Variants in PDGFC observed in about 807,000 individuals in gnomAD.
PDGFC encodes the protein platelet-derived growth factor C.
Under a neutral mutation model 35.5 loss-of-function variants are expected in PDGFC, and 12 were observed. The observed-to-expected ratio is 0.34, with a 90% confidence interval of 0.22 to 0.55. The LOEUF is 0.55. PDGFC is among the 20% of genes least tolerant of loss of function. The pLI, the probability that PDGFC is intolerant of heterozygous loss-of-function variation, is 0.91. For synonymous variants in PDGFC, 159 were observed against 148.8 expected (o/e 1.07, Z -0.50); for missense variants, 322 against 412.4 (o/e 0.78, Z 1.90).
chr4:156,956,540 G>T (rs1009718306), intron 1 of PDGFC, among the ~76,000 whole-genome samples: 1 of 151,964 alleles, frequency 6.6e-6, no homozygotes, highest in Non-Finnish European at 1.5e-5. Context: ...GCAAATGATC[G>T]ATTGTGGGTG....
chr4:156,912,641 G>A (rs1022322204), intron 1 of PDGFC, among the ~76,000 whole-genome samples: 1 of 152,038 alleles, frequency 6.6e-6, no homozygotes, highest in East Asian at 1.9e-4. Flanking sequence ...AATTAAGCGG[G>A]TTTCCTATGT....
intron 1 of PDGFC, among the ~76,000 whole-genome samples, chr4:156,882,439 A>G (rs1730266145): frequency 6.6e-6 from 1 of 152,208 alleles, no homozygotes; most frequent in Non-Finnish European, 1.5e-5. Flanking sequence ...TATTTAGGTA[A>G]TTATTCTTAA....
At chr4:156,845,520 T>C (rs1729305914) in intron 2 of PDGFC, among the ~76,000 whole-genome samples, 1 of 151,810 alleles carries the variant, frequency 6.6e-6, no homozygotes, top group Non-Finnish European at 1.5e-5. Flanking sequence ...CAGCACCTTT[T>C]ATTGCCTTTG....
At chr4:156,799,305 C>T (rs918680858) in intron 3 of PDGFC, among the ~76,000 whole-genome samples, 6 of 152,118 alleles carry the variant, frequency 3.9e-5, no homozygotes, top group African/African-American at 1.2e-4. Flanking sequence ...AGGACCTTTG[C>T]CCTGGGGCCA....
At chr4:156,843,438 C>T (rs1352519684) in intron 2 of PDGFC, among the ~76,000 whole-genome samples, 1 of 152,184 alleles carries the variant, frequency 6.6e-6, no homozygotes. Flanking sequence ...CACAGATGGG[C>T]TCCTAAAGCA....
chr4:156,851,503 C>G (rs900380022), intron 1 of PDGFC, among the ~76,000 whole-genome samples: 1 of 152,068 alleles, frequency 6.6e-6, no homozygotes, highest in African/African-American at 2.4e-5. Flanking sequence ...CAAGTTGGCA[C>G]TGCTGAGAAA....
At chr4:156,808,646 G>T (rs547517856) in intron 3 of PDGFC, among the ~76,000 whole-genome samples, 1 of 151,924 alleles carries the variant, frequency 6.6e-6, no homozygotes, top group Non-Finnish European at 1.5e-5. Context: ...AGCAAAGTGT[G>T]GGGGGTGGAG....
chr4:156,798,955 G>A (rs1242264740), intron 3 of PDGFC, among the ~76,000 whole-genome samples: 2 of 152,134 alleles, frequency 1.3e-5, no homozygotes, highest in Non-Finnish European at 2.9e-5. Context: ...GAAGCTGCCT[G>A]GGCTGATTTG....
intron 1 of PDGFC, among the ~76,000 whole-genome samples, chr4:156,951,355 T>C (rs977602558): frequency 5.9e-5 from 9 of 151,866 alleles, no homozygotes; most frequent in Non-Finnish European, 1.3e-4. Context: ...TACATGTTCC[T>C]GTATTTATAT....
At chr4:156,848,025 A>G (rs2111075480) in intron 2 of PDGFC, among the ~76,000 whole-genome samples, 1 of 151,942 alleles carries the variant, frequency 6.6e-6, no homozygotes, top group African/African-American at 2.4e-5. Context: ...AAAACCTCAT[A>G]CCACCAACAT....
intron 2 of PDGFC, among the ~76,000 whole-genome samples, chr4:156,849,165 G>C (rs751784949): frequency 6.6e-6 from 1 of 152,010 alleles, no homozygotes; most frequent in Non-Finnish European, 1.5e-5. Context: ...AAATCTGAAC[G>C]AGATCTAGGG....
At chr4:156,854,532 A>G (rs1729528082) in intron 1 of PDGFC, among the ~76,000 whole-genome samples, 1 of 152,178 alleles carries the variant, frequency 6.6e-6, no homozygotes, top group African/African-American at 2.4e-5. Flanking sequence ...CTTGAAATGC[A>G]AGGAGGTTTG....
At chr4:156,882,757 C>G (rs931882379) in intron 1 of PDGFC, among the ~76,000 whole-genome samples, 2 of 152,234 alleles carry the variant, frequency 1.3e-5, no homozygotes, top group South Asian at 2.1e-4. Flanking sequence ...TTATTTGACA[C>G]CTGCATCTTT....
intron 1 of PDGFC, among the ~76,000 whole-genome samples, chr4:156,855,365 T>C (rs555255457): frequency 1.3e-5 from 2 of 152,322 alleles, no homozygotes; most frequent in African/African-American, 2.4e-5. Flanking sequence ...CATCCATGTC[T>C]TTATGCTAAT....
At chr4:156,801,163 T>C (rs974893844) in intron 3 of PDGFC, among the ~76,000 whole-genome samples, 2 of 152,146 alleles carry the variant, frequency 1.3e-5, no homozygotes, top group African/African-American at 4.8e-5. Flanking sequence ...TAACAGGTCC[T>C]GTGGCCCCCA....
chr4:156,934,458 G>T (rs1345150682), intron 1 of PDGFC, among the ~76,000 whole-genome samples: 2 of 152,176 alleles, frequency 1.3e-5, no homozygotes, highest in Non-Finnish European at 2.9e-5. Context: ...GTCAGTGAGT[G>T]AGTGGTGAGT....
At chr4:156,769,011 A>AT (rs1007766041) in intron 4 of PDGFC, among the ~76,000 whole-genome samples, 1 of 151,820 alleles carries the variant, frequency 6.6e-6, no homozygotes, top group African/African-American at 2.4e-5. Flanking sequence ...ATCTCTGCCT[A>AT]TTTTTTTCCC....
At chr4:156,783,658 C>T (rs925009912) in intron 3 of PDGFC, among the ~76,000 whole-genome samples, 10 of 152,150 alleles carry the variant, frequency 6.6e-5, no homozygotes, top group African/African-American at 2.4e-4. Context: ...TCTAGCACTA[C>T]ATCAAATTGA....
rs534977972 is a variant in PDGFC at position 156,827,707 on chromosome 4, C to T, written c.315-16690G>A. Among the ~76,000 whole-genome samples, 96 of 152,102 alleles carry T rather than the reference C, an allele frequency of 6.3e-4. 1 individual carries two copies. The highest frequency in any genetic ancestry group is 1.6e-3 in the African/African-American group (67 of 41,490). On this transcript the variant is annotated intron_variant, in intron 2 of 5. Transcript: ENST00000502773. Reference sequence around the variant, plus strand: ...ATATGCAGCTTAGACTACATGCTTACGCAATACCCACATACGTACATACAT... The same window carrying T: ...ATATGCAGCTTAGACTACATGCTTATGCAATACCCACATACGTACATACAT...
Sources: allele counts gnomAD v4.1 joint callset (sites outside exome capture counted in the v4.1 genomes callset), GRCh38; gene constraint gnomAD v4.1.1; transcripts MANE v1.5; gene names NCBI Gene and HGNC (gene_info 2026-07-23, HGNC 2026-07-21).